FHIP1B: variants seen among roughly 807,000 people sequenced by gnomAD.
The protein encoded by FHIP1B is FHF complex subunit HOOK-interacting protein 1B.
A neutral mutation model predicts 82.2 loss-of-function variants in FHIP1B; 28 were observed. The observed-to-expected ratio is 0.34, with a 90% CI of 0.25 to 0.47. The LOEUF (loss-of-function observed/expected upper bound fraction) is 0.47, where lower values mean the gene tolerates loss of function less well. FHIP1B is among the 20% of genes least tolerant of loss of function. The probability of loss-of-function intolerance (pLI) is 1.00; values close to 1 mark genes in which losing one functional copy is unlikely to be tolerated. For synonymous variants in FHIP1B, 585 were observed against 516.1 expected, an observed-to-expected ratio of 1.13 and a Z score of -1.81; for missense variants, 1,110 against 1,262.6, an observed-to-expected ratio of 0.88 and a Z score of 1.83.
intron 1 of FHIP1B, among the ~76,000 whole-genome samples, chr11:6,234,012 T>G (rs76773630): frequency 0.015 from 2,294 of 152,082 alleles, 23 homozygotes; most frequent in Non-Finnish European, 0.025. Context: ...AGCAGAGGAG[T>G]CAGGTGCACA....
chr11:6,214,396 T>A lies in FHIP1B; in HGVS notation c.2557+15A>T, dbSNP rs925661853. On this transcript the variant is annotated intron_variant, in intron 11 of 11. Transcript: ENST00000449352. ...CTAGGGAGGGCAGGTACGGGTGTGG[T>A]GGGATAGGCCTCACCTAGGGGATCA... 2.5e-6 allele frequency: 4 copies of A among 1,593,782 alleles called. No homozygotes were observed. In the African/African-American group the frequency reaches 5.4e-5, roughly 21 times the overall value.
chr11:6,211,449 C>A lies in FHIP1B; in HGVS notation c.*57G>T. On this transcript the variant is annotated 3_prime_UTR_variant, in exon 12 of 12. Coordinates refer to ENST00000449352, the MANE Select transcript of FHIP1B (RefSeq NM_001098794.2). ...CACTGCCTCCAAACATAAAAAGGAG[C>A]CTGTGCCCTAGCCCCAGCCCGGGCC... 4 of 1,511,652 alleles carry A rather than the reference C, an allele frequency of 2.6e-6. No homozygotes were observed. The highest frequency in any genetic ancestry group is 2.6e-6 in the Non-Finnish European group (3 of 1,134,316). 93.6% of individuals were successfully genotyped at this position (1,511,652 alleles called of 1,614,324 possible). A position where few individuals can be genotyped will look rare whatever the true frequency, so the allele number is the denominator to read the frequency against.
intron 1 of FHIP1B, among the ~76,000 whole-genome samples, chr11:6,226,033 G>C (rs554686880): frequency 6.6e-6 from 1 of 152,258 alleles, no homozygotes; most frequent in Non-Finnish European, 1.5e-5. Context: ...CATCAGTACT[G>C]TCTCTCACAA....
In FHIP1B at chr11:6,223,519, T is replaced by G. The variant is rs1847473792; in HGVS notation, c.777+91A>C. 10 of 1,466,506 alleles carry G rather than the reference T, an allele frequency of 6.8e-6. No homozygotes were observed. Among genetic ancestry groups the G allele is most frequent in the Non-Finnish European group, 9.2e-6 (10 of 1,089,858 alleles). 90.8% of individuals were successfully genotyped at this position (1,466,506 alleles called of 1,614,324 possible). The stretch of plus-strand genomic sequence containing the variant: ...AACTGTTTCCTAGGGGAACGGGCCC[T>G]GGAACATAGCCTCTCCCCATCTCCT... On this transcript the variant is annotated intron_variant, in intron 3 of 11. Transcript: ENST00000449352. This position sits in a 1 kb window ranked among gnomAD's most constrained non-coding sequence, Gnocchi z 4.8.
chr11:6,231,152 A>G (rs1847687030), intron 1 of FHIP1B, among the ~76,000 whole-genome samples: 1 of 152,218 alleles, frequency 6.6e-6, no homozygotes, highest in African/African-American at 2.4e-5. Context: ...AAGCTTTGAC[A>G]GTGAAGATGT....
rs1286400523 is a variant in FHIP1B at position 6,217,410 on chromosome 11, A to G, written c.2176T>C (p.Leu726=). The change falls in exon 9 of 12, where the codon TTG becomes CTG. Residue 726 remains leucine, a synonymous_variant. Coordinates refer to ENST00000449352, the MANE Select transcript of FHIP1B (RefSeq NM_001098794.2). The part of the protein sequence containing the change: ...EPPGPFLSSP[L]RTLNQLPSQP... ...CTTGGCAGCTGGTTGAGAGTCCGCA[A>G]AGGGCTGCTGAGGAAGGGGCCAGGG... The G allele has an allele frequency of 6.2e-7, 1 of 1,614,100 alleles. No homozygotes were observed. The highest frequency in any genetic ancestry group is 1.1e-5 in the South Asian group (1 of 91,080).
At position 6,214,034 on chromosome 11, in the gene FHIP1B, GAAAAAAAAA is replaced by G. The variant is rs59502569; in HGVS notation, c.2557+368_2557+376del. Among the ~76,000 whole-genome samples the G allele has an allele frequency of 2.2e-4, 8 of 36,632 alleles. No homozygotes were observed. The East Asian group carries it at 3.1e-3, about 14-fold the overall frequency. 24.0% of individuals were successfully genotyped at this position (36,632 alleles called of 152,430 possible). The stretch of plus-strand genomic sequence containing the variant: ...AACTAAACAGTCCAGGACCTCTCCT[GAAAAAAAAA>G]AAAAAAAAAAAAAAAAAAAAGATTC... On this transcript the variant is annotated intron_variant, in intron 11 of 11. Coordinates refer to ENST00000449352, the MANE Select transcript of FHIP1B (RefSeq NM_001098794.2).
In FHIP1B at chr11:6,223,146, G is replaced by A. The variant is rs1258377418; in HGVS notation, c.870C>T (p.Asp290=). The A allele has an allele frequency of 6.2e-6, 10 of 1,607,700 alleles. No individual in the cohort carries two copies. Among genetic ancestry groups the A allele is most frequent in the African/African-American group, 2.7e-5 (2 of 74,250 alleles). ...GTGCAAGGGCTGGCACTCCCAGCCA[G>A]TCTTCCCGTCGCAGACAGTGCCAAT... ...GDDWHCLRRE[D]WLGVPALALF... Residue 290 remains aspartate, a synonymous_variant, in exon 4 of 12, where the codon GAC becomes GAT. Coordinates refer to ENST00000449352, the MANE Select transcript of FHIP1B (RefSeq NM_001098794.2). This position sits in a 1 kb window ranked among gnomAD's most constrained non-coding sequence, Gnocchi z 4.8.
intron 1 of FHIP1B, among the ~76,000 whole-genome samples, chr11:6,229,477 C>T (rs1363105825): frequency 6.6e-6 from 1 of 152,220 alleles, no homozygotes; most frequent in Non-Finnish European, 1.5e-5. Context: ...ATATAACCTG[C>T]TCTGATGTGT....
rs1441341145 is a variant in FHIP1B, at chr11:6,211,433, C to A, written c.*73G>T. ...TAAAAAGTCCTTTTGCCACTGCCTC[C>A]AAACATAAAAAGGAGCCTGTGCCCT... On this transcript the variant is annotated 3_prime_UTR_variant, in exon 12 of 12. Coordinates refer to ENST00000449352, the MANE Select transcript of FHIP1B (RefSeq NM_001098794.2). 1.3e-6 allele frequency: 2 copies of A among 1,498,180 alleles called. No homozygotes were observed. Among genetic ancestry groups the A allele is most frequent in the African/African-American group, 2.8e-5 (2 of 71,232 alleles). The allele number at this position is 1,498,180 out of a possible 1,614,324, so 92.8% of individuals were successfully genotyped here.
In FHIP1B at chr11:6,217,547, T is replaced by A. The variant is rs568608846; in HGVS notation, c.2039A>T (p.Glu680Val). 6.2e-7 allele frequency: 1 copy of A among 1,609,764 alleles called. No individual in the cohort carries two copies. Among genetic ancestry groups the A allele is most frequent in the South Asian group, 1.1e-5 (1 of 90,602 alleles). ...GLEGFGQELRELEVALSNGGT... is the reference protein window; with the variant it reads ...GLEGFGQELRVLEVALSNGGT... ...CCCATTGCTCAATGCCACCTCTAGC[T>A]CCCGGAGCTCCTGCCCAAAGCCCTC... is the stretch of plus-strand genomic sequence containing the variant. The change falls in exon 9 of 12, where the codon GAG becomes GTG. Residue 680 changes from glutamate (E) to valine (V), a missense_variant. Physicochemically the swap from Glu to Val is moderately radical, Grantham distance 121. This residue lies in a region of FHIP1B where 418 missense variants were observed against 371.4 expected (regional missense o/e 1.13). Transcript: ENST00000449352.
In FHIP1B at chr11:6,214,464, T is replaced by C. The variant is rs776932941; in HGVS notation, c.2504A>G (p.Asp835Gly). 41 of 1,613,988 alleles carry C rather than the reference T, an allele frequency of 2.5e-5. No homozygotes were observed. Among genetic ancestry groups the C allele is most frequent in the Non-Finnish European group, 3.5e-5 (41 of 1,179,998 alleles). The change falls in exon 11 of 12, where the codon GAC becomes GGC. Residue 835 changes from aspartate (D) to glycine (G), a missense_variant. Physicochemically the swap from Asp to Gly is moderately conservative, Grantham distance 94. Transcript: ENST00000449352. The stretch of plus-strand genomic sequence containing the variant: ...TCCTGCTGCAGGGCCCTCAGCCCAG[T>C]CCAACTTGCCACGGGCAATGAGGTA... Reference protein sequence around the residue: ...KKYLIARGKLDWAEGPAAGPA... With the variant: ...KKYLIARGKLGWAEGPAAGPA...
At chr11:6,216,751 A>G (rs115833536) in intron 9 of FHIP1B, 2 of 334,142 alleles carry the variant, frequency 6.0e-6, no homozygotes, top group Non-Finnish European at 1.1e-5. Flanking sequence ...ATTGCACTCT[A>G]TCTGCTTAAG....
intron 11 of FHIP1B, among the ~76,000 whole-genome samples, chr11:6,214,111 C>T (rs1306937857): frequency 3.3e-5 from 5 of 151,308 alleles, no homozygotes; most frequent in Admixed American, 1.3e-4. Context: ...CTCTCAAGGC[C>T]CATGTCAAAT....
At chr11:6,232,425 T>C (rs1354047182) in intron 1 of FHIP1B, among the ~76,000 whole-genome samples, 1 of 152,220 alleles carries the variant, frequency 6.6e-6, no homozygotes, top group African/African-American at 2.4e-5. Flanking sequence ...CCCTTTTCTG[T>C]CTTTTGGAAA....
chr11:6,225,311 C>T (rs1847533879), intron 1 of FHIP1B, among the ~76,000 whole-genome samples: 1 of 152,236 alleles, frequency 6.6e-6, no homozygotes, highest in Non-Finnish European at 1.5e-5. Context: ...GTTCCCTCTG[C>T]CTAGACTAGA....
At chr11:6,213,838 G>A (rs980175320) in intron 11 of FHIP1B, among the ~76,000 whole-genome samples, 8 of 151,736 alleles carry the variant, frequency 5.3e-5, no homozygotes, top group African/African-American at 1.9e-4. Flanking sequence ...TTTTCTCCTA[G>A]CTTGACTGCA....
chr11:6,215,848 T>C (rs770712117), intron 9 of FHIP1B, among the ~76,000 whole-genome samples: 11 of 152,196 alleles, frequency 7.2e-5, no homozygotes, highest in Non-Finnish European at 1.6e-4. Context: ...AGAACTGTAC[T>C]ATGCATTGAG....
At chr11:6,221,604 T>C (rs1031061177) in intron 6 of FHIP1B, among the ~76,000 whole-genome samples, 2 of 152,164 alleles carry the variant, frequency 1.3e-5, no homozygotes, top group African/African-American at 4.8e-5. Context: ...CTCTAGTCTT[T>C]CATTTCCTCA....
Sources: gnomAD v4.1 joint callset for allele counts (sites outside exome capture counted in the v4.1 genomes callset) on GRCh38, gnomAD v4.1.1 for gene constraint, gnomAD v4.1.1 regional missense constraint, Gnocchi (gnomAD v3.1) non-coding constraint, MANE v1.5 for transcripts, NCBI Gene and HGNC (gene_info 2026-07-23, HGNC 2026-07-21) for gene names.